IL1RAPL2: variants seen among roughly 807,000 people sequenced by gnomAD.
The protein encoded by IL1RAPL2 is X-linked interleukin-1 receptor accessory protein-like 2.
Under a neutral mutation model 44.1 loss-of-function variants are expected in IL1RAPL2, and 3 were observed. The observed-to-expected ratio is 0.07, with a 90% CI of 0.03 to 0.18. The LOEUF (loss-of-function observed/expected upper bound fraction) is 0.18. Ranked by LOEUF, IL1RAPL2 falls within the 10% of genes least tolerant of loss-of-function variation. IL1RAPL2 has a pLI of 1.00. For synonymous variants in IL1RAPL2, 181 were observed against 178.8 expected (o/e 1.01, Z -0.10); for missense variants, 391 against 496.4 (o/e 0.79, Z 2.02).
chrX:105,283,833 C>T (rs1174632462), intron 5 of IL1RAPL2, among the ~76,000 whole-genome samples: 1 of 110,713 alleles, frequency 9.0e-6, no homozygotes, highest in African/African-American at 3.3e-5. Context: ...TTGTGTGGGG[C>T]AATTGATGAT....
chrX:105,706,797 C>T (rs368982436), intron 6 of IL1RAPL2, among the ~76,000 whole-genome samples: 6 of 111,583 alleles, frequency 5.4e-5, no homozygotes, highest in African/African-American at 1.9e-4. Context: ...TCAGCAGAGG[C>T]AGCAGGAGAG....
chrX:105,008,891 A>C (rs188617532), intron 2 of IL1RAPL2, among the ~76,000 whole-genome samples: 4,311 of 111,732 alleles, frequency 0.039, 231 homozygotes, highest in African/African-American at 0.13. Context: ...CAAAGAACTC[A>C]AACAAATTTA....
Position 105,422,132 on chromosome X carries a change from G to A in IL1RAPL2, c.698-62181G>A, listed in dbSNP as rs191295019. Among the ~76,000 whole-genome samples the A allele has an allele frequency of 5.2e-3, 579 of 111,833 alleles. 5 individuals are homozygous for A. The highest frequency in any genetic ancestry group is 0.018 in the African/African-American group (545 of 30,851). On this transcript the variant is annotated intron_variant, in intron 5 of 10. Coordinates refer to ENST00000372582, the MANE Select transcript of IL1RAPL2 (RefSeq NM_017416.2). ...TGCAGCAAGAATAACATTTTTTACA[G>A]AAGCTTTTAAATTGGCTTTGATGGA...
At chrX:105,737,083 C>T (rs1249609395) in intron 7 of IL1RAPL2, among the ~76,000 whole-genome samples, 3 of 111,385 alleles carry the variant, frequency 2.7e-5, no homozygotes, top group South Asian at 3.8e-4. Context: ...TTTGCAGCAA[C>T]ATGGATGGAG....
intron 3 of IL1RAPL2, among the ~76,000 whole-genome samples, chrX:105,207,973 A>G (rs1194252724): frequency 2.7e-5 from 3 of 111,912 alleles, no homozygotes; most frequent in African/African-American, 9.8e-5. Flanking sequence ...CTTTTGTCTT[A>G]TAGAATCGTG....
chrX:105,679,448 A>C (rs754300823), intron 6 of IL1RAPL2, among the ~76,000 whole-genome samples: 8 of 112,220 alleles, frequency 7.1e-5, no homozygotes, highest in Admixed American at 9.5e-5. Flanking sequence ...AACCAGGCAG[A>C]TATTATAACT....
chrX:104,986,714 T>C (rs372776420), intron 2 of IL1RAPL2, among the ~76,000 whole-genome samples: 43 of 112,392 alleles, frequency 3.8e-4, no homozygotes, highest in African/African-American at 1.1e-3. Flanking sequence ...CCATGAGGCA[T>C]TTAGATAGAA....
chrX:105,170,016 C>T (rs991461443), intron 2 of IL1RAPL2, among the ~76,000 whole-genome samples: 23 of 110,476 alleles, frequency 2.1e-4, no homozygotes, highest in South Asian at 7.9e-4. Flanking sequence ...CAGGTACCTT[C>T]TCCTAGCCAC....
At chrX:105,479,467 C>T (rs1055952511) in intron 5 of IL1RAPL2, among the ~76,000 whole-genome samples, 1 of 110,762 alleles carries the variant, frequency 9.0e-6, no homozygotes, top group Non-Finnish European at 1.9e-5. Flanking sequence ...AGGCTGGGCA[C>T]CGTGGCTCAC....
intron 2 of IL1RAPL2, among the ~76,000 whole-genome samples, chrX:104,758,212 C>T (rs1932372808): frequency 9.0e-6 from 1 of 111,558 alleles, no homozygotes; most frequent in Non-Finnish European, 1.9e-5. Flanking sequence ...AGGCCTTTTG[C>T]CTTCTTTTTC....
intron 2 of IL1RAPL2, among the ~76,000 whole-genome samples, chrX:104,771,271 A>G (rs1385931955): frequency 8.9e-6 from 1 of 112,395 alleles, no homozygotes; most frequent in Non-Finnish European, 1.9e-5. Context: ...CCAGCAGAGT[A>G]TCAGCACCAG....
chrX:104,575,184 TAATAA>T (rs2147989912), intron 1 of IL1RAPL2, among the ~76,000 whole-genome samples: 1 of 110,795 alleles, frequency 9.0e-6, no homozygotes, highest in Non-Finnish European at 1.9e-5. Context: ...TTTCTAATAA[TAATAA>T]AAGAAGAAAT....
At chrX:104,910,176 C>A (rs914488273) in intron 2 of IL1RAPL2, among the ~76,000 whole-genome samples, 2 of 112,462 alleles carry the variant, frequency 1.8e-5, no homozygotes, top group African/African-American at 6.5e-5. Flanking sequence ...ACCCCTTGCG[C>A]TTCCCGAGTG....
chrX:105,144,233 C>T (rs2033158391), intron 2 of IL1RAPL2, among the ~76,000 whole-genome samples: 1 of 108,971 alleles, frequency 9.2e-6, no homozygotes, highest in Admixed American at 9.9e-5. Flanking sequence ...GATTTCCCTT[C>T]TCCCATTGGT....
intron 5 of IL1RAPL2, among the ~76,000 whole-genome samples, chrX:105,404,689 A>G (rs143500500): frequency 0.018 from 1,998 of 111,454 alleles, 46 homozygotes; most frequent in African/African-American, 0.062. Context: ...ATAGGAAAGG[A>G]TCCTGCAGGA....
intron 2 of IL1RAPL2, among the ~76,000 whole-genome samples, chrX:104,826,762 T>C (rs1921461220): frequency 1.8e-5 from 2 of 110,187 alleles, no homozygotes; most frequent in Non-Finnish European, 3.8e-5. Context: ...TTTGTAGGTC[T>C]TGAAGAACTT....
intron 1 of IL1RAPL2, among the ~76,000 whole-genome samples, chrX:104,624,151 C>T (rs1457311845): frequency 1.8e-5 from 2 of 111,599 alleles, no homozygotes; most frequent in Non-Finnish European, 3.8e-5. Flanking sequence ...TTCTTTTTGA[C>T]AAAAAATGAC....
intron 5 of IL1RAPL2, among the ~76,000 whole-genome samples, chrX:105,293,156 C>A (rs915154911): frequency 9.3e-6 from 1 of 107,920 alleles, no homozygotes; most frequent in Non-Finnish European, 1.9e-5. Flanking sequence ...AGTCCTGAGA[C>A]CAAAATGTTG....
intron 2 of IL1RAPL2, among the ~76,000 whole-genome samples, chrX:104,998,752 G>T (rs1325710899): frequency 9.0e-6 from 1 of 111,257 alleles, no homozygotes; most frequent in Non-Finnish European, 1.9e-5. Context: ...GGGTGACAGA[G>T]TGAGACCCCC....
Sources: gnomAD v4.1 joint callset for allele counts (sites outside exome capture counted in the v4.1 genomes callset) on GRCh38, gnomAD v4.1.1 for gene constraint, MANE v1.5 for transcripts, NCBI Gene and HGNC (gene_info 2026-07-23, HGNC 2026-07-21) for gene names.